Variants in NLN observed in about 807,000 individuals in gnomAD.
NLN encodes the protein neurolysin, mitochondrial.
NLN carries 64 observed loss-of-function variants against 79.9 expected under a neutral mutation model. The observed-to-expected ratio is 0.80, with a 90% CI of 0.65 to 0.99. The LOEUF (loss-of-function observed/expected upper bound fraction) is 0.99. Ranked by LOEUF, NLN falls within the 50% of genes least tolerant of loss-of-function variation. The probability of loss-of-function intolerance (pLI) is 0.00; values close to 1 mark genes in which losing one functional copy is unlikely to be tolerated. For synonymous variants in NLN, 267 were observed against 296.6 expected (o/e 0.90, Z 1.02); for missense variants, 835 against 858.7 (o/e 0.97, Z 0.34).
At chr5:65,778,951 G>A (rs1298035638) in intron 4 of NLN, among the ~76,000 whole-genome samples, 2 of 152,150 alleles carry the variant, frequency 1.3e-5, no homozygotes, top group African/African-American at 2.4e-5. Context: ...GAACAGTCCT[G>A]AGGGCAATGG....
chr5:65,791,698 G>A (rs1032256174), intron 8 of NLN, among the ~76,000 whole-genome samples: 30 of 151,850 alleles, frequency 2.0e-4, no homozygotes, highest in Middle Eastern at 3.4e-3. Flanking sequence ...ACTCCAGCCT[G>A]GATGACAGAG....
intron 12 of NLN, among the ~76,000 whole-genome samples, chr5:65,813,927 CA>C (rs60573203): frequency 1.4e-3 from 195 of 140,628 alleles, no homozygotes; most frequent in African/African-American, 1.2e-3. Context: ...GAGATTATCT[CA>C]AAAAAAAAAA....
chr5:65,741,883 A>G (rs1758875893), intron 1 of NLN, among the ~76,000 whole-genome samples: 1 of 152,212 alleles, frequency 6.6e-6, no homozygotes, highest in African/African-American at 2.4e-5. Flanking sequence ...TTTAGAACCT[A>G]TAATCATTAA....
chr5:65,737,519 A>G (rs1172515700), intron 1 of NLN, among the ~76,000 whole-genome samples: 1 of 152,204 alleles, frequency 6.6e-6, no homozygotes, highest in Non-Finnish European at 1.5e-5. Context: ...TGGTCATTAC[A>G]TAAGGGATGC....
chr5:65,770,682 C>T (rs191102163), intron 3 of NLN, among the ~76,000 whole-genome samples: 2 of 152,254 alleles, frequency 1.3e-5, no homozygotes, highest in East Asian at 3.9e-4. Context: ...CAGTATTTAC[C>T]TAGAGATACC....
intron 8 of NLN, among the ~76,000 whole-genome samples, chr5:65,788,953 CAG>C (rs1231819013): frequency 4.7e-5 from 7 of 149,508 alleles, no homozygotes; most frequent in African/African-American, 1.5e-4. Context: ...GCCTGGGTGA[CAG>C]AGTGAGACCC....
chr5:65,810,209 A>G lies in NLN; in HGVS notation c.1843+44A>G, dbSNP rs768616052. On this transcript the variant is annotated intron_variant, in intron 11 of 12. Transcript: ENST00000380985. ...TTGAGTTCATTTCTCTGTGAAGCAC[A>G]GGGCGTTCTCCTAACACTGCAGGGG... 4 of 1,581,674 alleles carry G rather than the reference A, an allele frequency of 2.5e-6. No homozygotes were observed. The East Asian group carries it at 9.0e-5, about 36-fold the overall frequency.
intron 2 of NLN, among the ~76,000 whole-genome samples, chr5:65,761,675 T>C (rs917572756): frequency 6.6e-6 from 1 of 152,260 alleles, no homozygotes; most frequent in Non-Finnish European, 1.5e-5. Flanking sequence ...CAAAATTTTC[T>C]ATTCCATTCT....
At chr5:65,723,152 CAAATCTGCCCAGAACTGT>C (rs1464977210) in intron 1 of NLN, 1 of 152,228 alleles carries the variant, frequency 6.6e-6, no homozygotes, top group Admixed American at 6.5e-5. Flanking sequence ...TCCCCGTTTC[CAAATCTGCCCAGAACTGT>C]AAATCCAAAT....
intron 1 of NLN, among the ~76,000 whole-genome samples, 193 bp from the exon 2 acceptor site, chr5:65,758,374 A>G (rs557826072): frequency 3.2e-4 from 48 of 152,342 alleles, no homozygotes; most frequent in Non-Finnish European, 5.4e-4. Flanking sequence ...CATTAAAACT[A>G]TGTAATTATG....
intron 4 of NLN, among the ~76,000 whole-genome samples, chr5:65,779,210 C>G (rs252649): frequency 6.6e-6 from 1 of 152,138 alleles, no homozygotes; most frequent in African/African-American, 2.4e-5. Flanking sequence ...GTTTGCACTT[C>G]AGTAGGTTTA....
At chr5:65,745,252 T>A (rs1472655279) in intron 1 of NLN, among the ~76,000 whole-genome samples, 1 of 152,234 alleles carries the variant, frequency 6.6e-6, no homozygotes, top group Non-Finnish European at 1.5e-5. Flanking sequence ...GATGTAAGCA[T>A]GTATGCTTTA....
intron 1 of NLN, among the ~76,000 whole-genome samples, chr5:65,728,127 C>A (rs1319506237): frequency 6.6e-6 from 1 of 152,122 alleles, no homozygotes; most frequent in Non-Finnish European, 1.5e-5. Flanking sequence ...TTATTGAAAA[C>A]TTAGCAAGTA....
At chr5:65,740,764 A>G (rs1021544443) in intron 1 of NLN, 9 of 150,188 alleles carry the variant, frequency 6.0e-5, no homozygotes, top group African/African-American at 2.2e-4. Flanking sequence ...TCCATCAGCT[A>G]TGTGTCTGTT....
intron 11 of NLN, among the ~76,000 whole-genome samples, chr5:65,810,997 T>C (rs1236680538): frequency 6.6e-6 from 1 of 152,024 alleles, no homozygotes; most frequent in Non-Finnish European, 1.5e-5. Flanking sequence ...TAAAGGGTAT[T>C]TGGGGGGAGA....
intron 1 of NLN, 150 bp downstream of exon 1, chr5:65,722,564 GGGGGACACCTGGCGCGGCCACCT>G: frequency 1.4e-6 from 1 of 693,964 alleles, no homozygotes; most frequent in Non-Finnish European, 2.3e-6. Flanking sequence ...GTGGACCCCT[GGGGGACACCTGGCGCGGCCACCT>G]GGGGCCACCT....
At chr5:65,762,102 CT>C (rs1759352073) in intron 2 of NLN, among the ~76,000 whole-genome samples, 1 of 152,236 alleles carries the variant, frequency 6.6e-6, no homozygotes, top group South Asian at 2.1e-4. Flanking sequence ...CAGGAACCAC[CT>C]TTAATATGTG....
rs1349926489 is a variant in NLN at position 65,823,674 on chromosome 5, G to A, written c.*759G>A. ...TCCACCTCAGCATACAAGATCGTTA[G>A]TCTTTTGGCATGTGTGCCAATTAGA... On this transcript the variant is annotated 3_prime_UTR_variant, in exon 13 of 13. Coordinates refer to ENST00000380985, the MANE Select transcript of NLN (RefSeq NM_020726.5). 1.3e-5 allele frequency: 2 copies of A among 152,056 alleles called. No homozygotes were observed. Among genetic ancestry groups the A allele is most frequent in the Non-Finnish European group, 2.9e-5 (2 of 68,002 alleles). 9.4% of individuals were successfully genotyped at this position (152,056 alleles called of 1,614,324 possible).
At chr5:65,772,555 T>C (rs1197939590) in intron 3 of NLN, among the ~76,000 whole-genome samples, 2 of 152,178 alleles carry the variant, frequency 1.3e-5, no homozygotes, top group African/African-American at 4.8e-5. Flanking sequence ...TGTAGTAAGA[T>C]AGCAACTTTA....
Sources: gnomAD v4.1 joint callset for allele counts (sites outside exome capture counted in the v4.1 genomes callset) on GRCh38, gnomAD v4.1.1 for gene constraint, MANE v1.5 for transcripts, NCBI Gene and HGNC (gene_info 2026-07-23, HGNC 2026-07-21) for gene names.